MAP7D2: variants seen among roughly 807,000 people sequenced by gnomAD.
MAP7D2 encodes MAP7 domain containing 2.
Under a neutral mutation model 63.5 loss-of-function variants are expected in MAP7D2, and 33 were observed. The ratio of observed to expected loss-of-function variants is 0.52; its 90% CI spans 0.39 to 0.70. MAP7D2 has a LOEUF of 0.70. Ranked by LOEUF, MAP7D2 falls within the 30% of genes least tolerant of loss-of-function variation. The pLI is 0.00. For missense variants in MAP7D2, 626 were observed against 604.0 expected, an observed-to-expected ratio of 1.04 and a Z score of -0.38; for synonymous variants, 224 against 223.7, an observed-to-expected ratio of 1.00 and a Z score of -0.01.
At chrX:20,094,496 A>ATG (rs2066160938) in intron 1 of MAP7D2, among the ~76,000 whole-genome samples, 2 of 17,881 alleles carry the variant, frequency 1.1e-4, no homozygotes, top group Non-Finnish European at 1.9e-4. Flanking sequence ...ACATATATAT[A>ATG]TATATATATA....
At chrX:20,022,334 G>A (rs1453521877) in intron 10 of MAP7D2, among the ~76,000 whole-genome samples, 1 of 111,632 alleles carries the variant, frequency 9.0e-6, no homozygotes, top group Non-Finnish European at 1.9e-5. Flanking sequence ...AGGCCTTGAA[G>A]GCCTGTTGAC....
At chrX:20,094,546 A>ATATATATATATATATATATATATG (rs2066189640) in intron 1 of MAP7D2, among the ~76,000 whole-genome samples, 1 of 8,514 alleles carries the variant, frequency 1.2e-4, no homozygotes, top group Non-Finnish European at 1.9e-4. Flanking sequence ...ATATATGTAT[A>ATATATATATATATATATATATATG]TATATATATA....
At chrX:20,055,741 G>A in intron 4 of MAP7D2, 1 of 993,690 alleles carries the variant, frequency 1.0e-6, no homozygotes, top group Non-Finnish European at 1.3e-6. Flanking sequence ...TACCGTTGGT[G>A]GACTCGGCAG....
chrX:20,102,640 GGACA>G (rs1177790271), intron 1 of MAP7D2, among the ~76,000 whole-genome samples: 1 of 110,407 alleles, frequency 9.1e-6, no homozygotes. Flanking sequence ...CTGGACGGAC[GGACA>G]GAGATCCCTA....
chrX:20,091,523 A>T (rs1165302332), intron 1 of MAP7D2, among the ~76,000 whole-genome samples: 1 of 110,010 alleles, frequency 9.1e-6, no homozygotes, highest in African/African-American at 3.3e-5. Context: ...TACAAAAATT[A>T]GCCAGGCATG....
chrX:20,026,335 G>A (rs2073843629), intron 8 of MAP7D2, among the ~76,000 whole-genome samples: 2 of 111,263 alleles, frequency 1.8e-5, no homozygotes, highest in Admixed American at 1.9e-4. Flanking sequence ...AAAAAATTGT[G>A]ACAAAACATA....
chrX:20,063,386 G>A, intron 3 of MAP7D2, 28 bp downstream of exon 3: 1 of 1,199,029 alleles, frequency 8.3e-7, no homozygotes, highest in Non-Finnish European at 1.1e-6. Flanking sequence ...GGGGCTGGAA[G>A]GTGGCGGAGG....
chrX:20,039,576 A>G (rs1380339793), intron 8 of MAP7D2, among the ~76,000 whole-genome samples: 2 of 111,805 alleles, frequency 1.8e-5, no homozygotes, highest in East Asian at 5.6e-4. Flanking sequence ...ATTGGATTGA[A>G]GGATGCAAAG....
chrX:20,090,732 G>C (rs1227669390), intron 1 of MAP7D2, among the ~76,000 whole-genome samples: 1 of 112,521 alleles, frequency 8.9e-6, no homozygotes, highest in African/African-American at 3.2e-5. Context: ...CCACAAGGTG[G>C]TTTGCACATG....
chrX:20,090,972 C>CA (rs1472092570), intron 1 of MAP7D2, among the ~76,000 whole-genome samples: 130 of 89,144 alleles, frequency 1.5e-3, no homozygotes, highest in African/African-American at 3.2e-3. Flanking sequence ...TCATCTTAGA[C>CA]AAAAAAAAAA....
At chrX:20,017,514 C>T (rs1367700762) in intron 10 of MAP7D2, among the ~76,000 whole-genome samples, 1 of 111,664 alleles carries the variant, frequency 9.0e-6, no homozygotes, top group Admixed American at 9.5e-5. Flanking sequence ...CTATGTATGA[C>T]CAAAGGAAAT....
intron 10 of MAP7D2, among the ~76,000 whole-genome samples, chrX:20,023,287 C>T (rs2073719607): frequency 8.9e-6 from 1 of 112,724 alleles, no homozygotes; most frequent in Non-Finnish European, 1.9e-5. Flanking sequence ...CTTTTGACGC[C>T]ATAGGAAACT....
chrX:20,115,883 AAAAAT>A (rs1174546016), intron 1 of MAP7D2, among the ~76,000 whole-genome samples: 1 of 112,788 alleles, frequency 8.9e-6, no homozygotes, highest in African/African-American at 3.2e-5. Context: ...CTTATTAACT[AAAAAT>A]AAAAAAGTTG....
Position 20,050,822 on chromosome X carries a change from A to AC in MAP7D2, c.718+1dup, listed in dbSNP as rs777545683. The AC allele has an allele frequency of 8.5e-7, 1 of 1,183,172 alleles. No individual in the cohort carries two copies. Among genetic ancestry groups the AC allele is most frequent in the South Asian group, 1.9e-5 (1 of 51,324 alleles). On this transcript the variant is annotated splice_donor_variant, in intron 6 of 16. Coordinates refer to ENST00000379643, the MANE Select transcript of MAP7D2 (RefSeq NM_001168465.2). LOFTEE classifies it high-confidence loss of function. ...TGGTGTTACCAGCTTAGCCTCTTTT[A>AC]CCTGAATCATTGGCCTGCCCAGAGA... is the stretch of plus-strand genomic sequence containing the variant.
chrX:20,055,605 G>GA (rs915249019), intron 4 of MAP7D2: 122 of 326,255 alleles, frequency 3.7e-4, no homozygotes, highest in East Asian at 7.1e-4. Flanking sequence ...ACATTGCTAG[G>GA]AAAAAAAAAT....
intron 1 of MAP7D2, among the ~76,000 whole-genome samples, chrX:20,095,631 T>C (rs764014227): frequency 3.6e-5 from 4 of 111,380 alleles, no homozygotes; most frequent in South Asian, 3.8e-4. Flanking sequence ...TCCAAAAGAA[T>C]TGAAGCAGGG....
chrX:20,072,582 T>C (rs1457724728), intron 1 of MAP7D2, among the ~76,000 whole-genome samples: 5 of 111,642 alleles, frequency 4.5e-5, no homozygotes, highest in Non-Finnish European at 9.4e-5. Context: ...ACCTCAGTTT[T>C]TGTTCTGTCT....
At chrX:20,072,527 A>G (rs2065530679) in intron 1 of MAP7D2, among the ~76,000 whole-genome samples, 1 of 111,724 alleles carries the variant, frequency 9.0e-6, no homozygotes, top group Admixed American at 9.5e-5. Flanking sequence ...TAAGCACTCA[A>G]GAAATGTCAA....
chrX:20,094,714 TTA>T (rs1411138889), intron 1 of MAP7D2, among the ~76,000 whole-genome samples: 1 of 100,397 alleles, frequency 1.0e-5, no homozygotes, highest in African/African-American at 3.5e-5. Context: ...GTAGCTGAGA[TTA>T]CAGGCATGTG....
Sources: allele counts gnomAD v4.1 joint callset (sites outside exome capture counted in the v4.1 genomes callset), GRCh38; gene constraint gnomAD v4.1.1; transcripts MANE v1.5; gene names NCBI Gene and HGNC (gene_info 2026-07-23, HGNC 2026-07-21).